The following ARHGEF17 variants were observed in gnomAD, a reference collection of about 807,000 sequenced individuals.
ARHGEF17 encodes 164 kDa Rho-specific guanine-nucleotide exchange factor.
ARHGEF17 carries 80 observed loss-of-function variants against 174.0 expected under a neutral mutation model. The observed-to-expected ratio is 0.46, with a 90% CI of 0.38 to 0.55. The LOEUF is 0.55. ARHGEF17 is among the 20% of genes least tolerant of loss of function. The probability of loss-of-function intolerance (pLI) is 0.00; values close to 1 mark genes in which losing one functional copy is unlikely to be tolerated. For missense variants in ARHGEF17, 2,886 were observed against 2,839.7 expected (o/e 1.02, Z -0.37); for synonymous variants, 1,311 against 1,189.1 (o/e 1.10, Z -2.11).
At position 73,311,305 on chromosome 11, in the gene ARHGEF17, A is replaced by G; in HGVS notation, c.2667A>G (p.Leu889=). The part of the protein sequence containing the change: ...TRSRAQSERA[L]PEALPPPATA... ...GCCGGGCACAGTCTGAAAGGGCCCT[A>G]CCTGAGGCTCTGCCTCCCCCTGCCA... is the stretch of plus-strand genomic sequence containing the variant. The change falls in exon 1 of 21, where the codon CTA becomes CTG. Residue 889 remains leucine, a synonymous_variant. Coordinates refer to ENST00000263674, the MANE Select transcript of ARHGEF17 (RefSeq NM_014786.4). The G allele has an allele frequency of 1.2e-6, 2 of 1,613,140 alleles. No homozygotes were observed. The highest frequency in any genetic ancestry group is 4.5e-5 in the East Asian group (2 of 44,878).
At chr11:73,356,114 C>T in intron 5 of ARHGEF17, 61 bp from the exon 6 acceptor site, 1 of 1,597,616 alleles carries the variant, frequency 6.3e-7, no homozygotes, top group Non-Finnish European at 8.6e-7. Context: ...CCTCCTGCTC[C>T]AGCAGTCTGG....
chr11:73,354,972 T>C (rs2134416700), intron 3 of ARHGEF17, among the ~76,000 whole-genome samples: 1 of 152,322 alleles, frequency 6.6e-6, no homozygotes, highest in East Asian at 1.9e-4. Context: ...GAACTTGTCC[T>C]AGGAGATCAG....
chr11:73,328,607 C>T (rs951857526), intron 1 of ARHGEF17, among the ~76,000 whole-genome samples: 1 of 152,170 alleles, frequency 6.6e-6, no homozygotes, highest in Non-Finnish European at 1.5e-5. Context: ...GGGAGGGCTT[C>T]CTGGAGGAAC....
intron 12 of ARHGEF17, 107 bp from the exon 13 acceptor site, chr11:73,361,932 AC>A: frequency 7.7e-7 from 1 of 1,305,268 alleles, no homozygotes; most frequent in South Asian, 1.4e-5. Flanking sequence ...ACACACACAC[AC>A]CCATGCAGGC....
intron 9 of ARHGEF17, among the ~76,000 whole-genome samples, chr11:73,359,596 G>A (rs1171505586): frequency 6.6e-6 from 1 of 152,228 alleles, no homozygotes; most frequent in East Asian, 1.9e-4. Flanking sequence ...TTCTCCGTGG[G>A]CCTGACATCC....
rs2134417356 is a variant in ARHGEF17, at chr11:73,355,920, G to A, written c.3630G>A (p.Val1210=). 1 of 1,614,200 alleles carries A rather than the reference G, an allele frequency of 6.2e-7. No individual in the cohort carries two copies. Among genetic ancestry groups the A allele is most frequent in the Middle Eastern group, 1.6e-4 (1 of 6,062 alleles). Residue 1210 remains valine, a synonymous_variant, in exon 5 of 21, where the codon GTG becomes GTA. Coordinates refer to ENST00000263674, the MANE Select transcript of ARHGEF17 (RefSeq NM_014786.4). ...QALSDLMIKP[V]QRIPRYELLV... is the part of the protein sequence containing the mutation. ...TGTCTGACCTCATGATCAAGCCTGT[G>A]CAGCGGATCCCACGCTACGAGCTTC...
In ARHGEF17 at chr11:73,357,105, A is replaced by G. The variant is rs1408557225; in HGVS notation, c.3972A>G (p.Ser1324=). ...LIVCTTLKRK[S]GSLRRSSMSL... is the part of the protein sequence containing the mutation. The stretch of plus-strand genomic sequence containing the variant: ...TCTGCACCACTCTGAAGCGAAAGTC[A>G]GGCTCCCTGCGGCGCAGCTCCATGA... Residue 1324 remains serine (S), a synonymous_variant, in exon 8 of 21, where the codon TCA becomes TCG. Coordinates refer to ENST00000263674, the MANE Select transcript of ARHGEF17 (RefSeq NM_014786.4). 6.2e-7 allele frequency: 1 copy of G among 1,614,144 alleles called. No individual in the cohort carries two copies. The highest frequency in any genetic ancestry group is 1.7e-5 in the Admixed American group (1 of 60,020).
chr11:73,362,210 G>A lies in ARHGEF17; in HGVS notation c.4665G>A (p.Ala1555=). The A allele has an allele frequency of 3.9e-6, 6 of 1,553,448 alleles. No individual in the cohort carries two copies. The highest frequency in any genetic ancestry group is 4.3e-6 in the Non-Finnish European group (5 of 1,154,264). ...VCSARILCIG[A]VPGLQPRCHR... ...CCGCCCGCATCCTCTGCATCGGGGC[G>A]GTGCCCGGGCTGCAGCCTCGCTGCC... The change falls in exon 13 of 21, where the codon GCG becomes GCA. Residue 1555 remains alanine, a synonymous_variant. Transcript: ENST00000263674.
chr11:73,310,625 G>A lies in ARHGEF17; in HGVS notation c.1987G>A (p.Gly663Ser), dbSNP rs369875415. 6 of 1,613,988 alleles carry A rather than the reference G, an allele frequency of 3.7e-6. No individual in the cohort carries two copies. Among genetic ancestry groups the A allele is most frequent in the Middle Eastern group, 1.6e-4 (1 of 6,084 alleles). ...EPPVAAFCGL[G>S]TTGMWRPLSS... is the part of the protein sequence containing the mutation. Reference sequence around the variant, plus strand: ...TCCTGTTGCAGCATTTTGCGGCCTGGGTACCACAGGGATGTGGCGACCTCT... The same window carrying A: ...TCCTGTTGCAGCATTTTGCGGCCTGAGTACCACAGGGATGTGGCGACCTCT... Residue 663 changes from glycine to serine, a missense_variant, in exon 1 of 21, where the codon GGT (glycine) becomes AGT (serine). Gly to Ser is a moderately conservative substitution (Grantham distance 56). This residue lies in a region of ARHGEF17 where 1,728 missense variants were observed against 1,461.2 expected (regional missense o/e 1.18). Coordinates refer to ENST00000263674, the MANE Select transcript of ARHGEF17 (RefSeq NM_014786.4).
At chr11:73,322,342 A>G (rs74795285) in intron 1 of ARHGEF17, among the ~76,000 whole-genome samples, 14,334 of 152,278 alleles carry the variant, frequency 0.094, 741 homozygotes, top group Non-Finnish European at 0.1. Context: ...CTTTAATGCC[A>G]GAACTGTCTA....
At chr11:73,331,622 G>T (rs368061499) in intron 1 of ARHGEF17, among the ~76,000 whole-genome samples, 26 of 152,054 alleles carry the variant, frequency 1.7e-4, no homozygotes, top group African/African-American at 2.2e-4. Context: ...GAGGGGGAGT[G>T]GGGGGGTGCG....
chr11:73,344,836 G>A (rs371486442), intron 1 of ARHGEF17, among the ~76,000 whole-genome samples: 26 of 152,240 alleles, frequency 1.7e-4, no homozygotes, highest in African/African-American at 5.8e-4. Context: ...CAGTCTGGGC[G>A]AGAACTCCAG....
chr11:73,367,518 G>A, intron 20 of ARHGEF17, 66 bp from the exon 21 acceptor site: 1 of 1,400,778 alleles, frequency 7.1e-7, no homozygotes, highest in Non-Finnish European at 9.8e-7. Flanking sequence ...TGGGAATTCA[G>A]GCCCCGATGG....
intron 20 of ARHGEF17, among the ~76,000 whole-genome samples, chr11:73,367,205 CTT>C (rs1865854218): frequency 6.6e-6 from 1 of 152,110 alleles, no homozygotes. Context: ...TCACAGAAGA[CTT>C]AAGCTACCTG....
chr11:73,313,412 G>A (rs1021944512), intron 1 of ARHGEF17, among the ~76,000 whole-genome samples: 11 of 152,176 alleles, frequency 7.2e-5, no homozygotes, highest in African/African-American at 2.7e-4. Context: ...AGGCTCAAAT[G>A]GGGGAGAGGA....
At chr11:73,312,308 G>A (rs672660) in intron 1 of ARHGEF17, among the ~76,000 whole-genome samples, 127,096 of 152,106 alleles carry the variant, frequency 0.84, 53,300 homozygotes, top group African/African-American at 0.87. Context: ...TGGCTTTCCT[G>A]TGACAGGTCA....
At chr11:73,360,667 G>A (rs1865723912) in intron 11 of ARHGEF17, 134 bp downstream of exon 11, 1 of 921,272 alleles carries the variant, frequency 1.1e-6, no homozygotes, top group Non-Finnish European at 1.7e-6. Context: ...GGTGGGGAGG[G>A]GGGCTTCTGC....
intron 13 of ARHGEF17, 42 bp from the exon 14 acceptor site, chr11:73,362,391 C>T: frequency 6.7e-7 from 1 of 1,489,806 alleles, no homozygotes; most frequent in East Asian, 2.3e-5. Context: ...GGGGCCCCGT[C>T]TGGCTCGTAG....
At position 73,309,756 on chromosome 11, in the gene ARHGEF17, C is replaced by G; in HGVS notation, c.1118C>G (p.Ala373Gly). 1 of 1,612,872 alleles carries G rather than the reference C, an allele frequency of 6.2e-7. No homozygotes were observed. The highest frequency in any genetic ancestry group is 8.5e-7 in the Non-Finnish European group (1 of 1,179,854). Residue 373 changes from alanine to glycine, a missense_variant, in exon 1 of 21, where the codon GCC becomes GGC. By Grantham distance (60) the Ala-to-Gly change is moderately conservative (BLOSUM62 0). Coordinates refer to ENST00000263674, the MANE Select transcript of ARHGEF17 (RefSeq NM_014786.4). Reference sequence around the variant, plus strand: ...TCTGTGGGAGGAGCTTTCCGTGTGGCCAAGGTGAGCTTTCCCTCGTACCTG... The same window carrying G: ...TCTGTGGGAGGAGCTTTCCGTGTGGGCAAGGTGAGCTTTCCCTCGTACCTG... The part of the protein sequence containing the change: ...SDSVGGAFRV[A>G]KVSFPSYLAS...
Sources: gnomAD v4.1 joint callset for allele counts (sites outside exome capture counted in the v4.1 genomes callset) on GRCh38, gnomAD v4.1.1 for gene constraint, gnomAD v4.1.1 regional missense constraint, MANE v1.5 for transcripts, NCBI Gene and HGNC (gene_info 2026-07-23, HGNC 2026-07-21) for gene names.